TOP6BL: variants seen among roughly 807,000 people sequenced by gnomAD.
TOP6BL encodes type 2 DNA topoisomerase 6 subunit B-like.
the TOP6BL span, among the ~76,000 whole-genome samples, chr11:66,793,925 A>G: frequency 1.3e-5 from 2 of 151,888 alleles, no homozygotes; most frequent in Non-Finnish European, 2.9e-5. Context: ...GGGCAACATA[A>G]TGAGACCCTG....
the TOP6BL span, among the ~76,000 whole-genome samples, chr11:66,767,137 T>C: frequency 5.9e-5 from 9 of 152,208 alleles, no homozygotes; most frequent in Admixed American, 5.9e-4. Flanking sequence ...TAAGGCCTTC[T>C]CTCAAGAGGA....
the TOP6BL span, among the ~76,000 whole-genome samples, chr11:66,747,231 C>T: frequency 2.3e-4 from 35 of 152,184 alleles, no homozygotes; most frequent in Non-Finnish European, 4.3e-4. Flanking sequence ...CTACCACACC[C>T]GGTCGATTAA....
chr11:66,757,788 A>T, the TOP6BL span, among the ~76,000 whole-genome samples: 42 of 152,136 alleles, frequency 2.8e-4, no homozygotes, highest in African/African-American at 9.9e-4. Context: ...GGATTTCACC[A>T]TGTTGGCCAG....
At chr11:66,759,465 G>A in the TOP6BL span, among the ~76,000 whole-genome samples, 23 of 152,308 alleles carry the variant, frequency 1.5e-4, no homozygotes, top group Non-Finnish European at 2.8e-4. Flanking sequence ...CTACTTCAAA[G>A]AAATAATGTG....
chr11:66,801,773 T>C, the TOP6BL span, among the ~76,000 whole-genome samples: 1 of 151,684 alleles, frequency 6.6e-6, no homozygotes, highest in Non-Finnish European at 1.5e-5. Flanking sequence ...GAGGTGGAGG[T>C]TGCAGTGAGC....
the TOP6BL span, among the ~76,000 whole-genome samples, chr11:66,775,617 T>G: frequency 6.6e-6 from 1 of 152,186 alleles, no homozygotes; most frequent in Non-Finnish European, 1.5e-5. Flanking sequence ...GATGAGGGGG[T>G]ACTCCTTTAG....
chr11:66,786,798 G>A, the TOP6BL span, among the ~76,000 whole-genome samples: 1 of 152,226 alleles, frequency 6.6e-6, no homozygotes, highest in Non-Finnish European at 1.5e-5. Context: ...CTGGTTTAGT[G>A]CTAAGTTCAT....
the TOP6BL span, chr11:66,761,528 C>T: frequency 3.3e-6 from 3 of 920,274 alleles, no homozygotes; most frequent in Non-Finnish European, 4.5e-6. Context: ...GATTTGTTCA[C>T]TGGCCAAAGC....
the TOP6BL span, among the ~76,000 whole-genome samples, chr11:66,842,091 G>T: frequency 6.6e-6 from 1 of 152,026 alleles, no homozygotes; most frequent in Non-Finnish European, 1.5e-5. Context: ...CTGGTACTCT[G>T]GAAGCTGAAG....
chr11:66,782,772 GGGA>G, the TOP6BL span, among the ~76,000 whole-genome samples: 1 of 152,074 alleles, frequency 6.6e-6, no homozygotes, highest in East Asian at 1.9e-4. Flanking sequence ...CATTAATGCT[GGGA>G]GGAGAAGCCC....
chr11:66,814,022 C>T, the TOP6BL span: 1 of 1,608,662 alleles, frequency 6.2e-7, no homozygotes, highest in Non-Finnish European at 8.5e-7. Flanking sequence ...AGAGGTATAT[C>T]CTCCCTCTTT....
the TOP6BL span, among the ~76,000 whole-genome samples, chr11:66,836,251 C>T: frequency 3.9e-5 from 6 of 152,092 alleles, no homozygotes; most frequent in African/African-American, 1.4e-4. Context: ...GAGTCTCACT[C>T]TGTTGCCCAG....
chr11:66,747,911 C>T, the TOP6BL span, among the ~76,000 whole-genome samples: 258 of 152,268 alleles, frequency 1.7e-3, 2 homozygotes, highest in African/African-American at 5.9e-3. Context: ...TAAGCTACCG[C>T]GCAGGGCAGC....
chr11:66,787,429 G>C, the TOP6BL span, among the ~76,000 whole-genome samples: 3 of 151,714 alleles, frequency 2.0e-5, no homozygotes, highest in African/African-American at 7.3e-5. Flanking sequence ...AAGCAGGCCA[G>C]GCGCGGTGGC....
chr11:66,807,384 C>T, the TOP6BL span, among the ~76,000 whole-genome samples: 16 of 152,206 alleles, frequency 1.1e-4, no homozygotes, highest in African/African-American at 3.9e-4. Context: ...CCAGCCTGAC[C>T]AACATGGAGA....
the TOP6BL span, among the ~76,000 whole-genome samples, chr11:66,822,905 G>A: frequency 6.6e-6 from 1 of 151,920 alleles, no homozygotes; most frequent in Non-Finnish European, 1.5e-5. Context: ...TCAGGAGGCT[G>A]AGGTAGGAGG....
the TOP6BL span, among the ~76,000 whole-genome samples, chr11:66,789,847 G>A: frequency 3.3e-5 from 5 of 152,162 alleles, no homozygotes; most frequent in Admixed American, 6.6e-5. Flanking sequence ...GGCAGAATTA[G>A]AACTTGAACC....
the TOP6BL span, among the ~76,000 whole-genome samples, chr11:66,839,465 C>G: frequency 1.3e-5 from 2 of 152,196 alleles, no homozygotes; most frequent in African/African-American, 2.4e-5. Context: ...TCAGATAAAA[C>G]AGTATCTGGG....
chr11:66,753,697 C>T, the TOP6BL span, among the ~76,000 whole-genome samples: 7 of 151,878 alleles, frequency 4.6e-5, no homozygotes, highest in African/African-American at 9.7e-5. Flanking sequence ...TGAGCCACCG[C>T]GCCCGGCCAT....
Sources: allele counts gnomAD v4.1 joint callset (sites outside exome capture counted in the v4.1 genomes callset), GRCh38; gene constraint gnomAD v4.1.1; transcripts MANE v1.5; gene names NCBI Gene and HGNC (gene_info 2026-07-23, HGNC 2026-07-21).